The following COL5A1 variants were observed in gnomAD, a reference collection of about 807,000 sequenced individuals.
The protein encoded by COL5A1 is collagen alpha-1(V) chain.
A neutral mutation model predicts 263.7 loss-of-function variants in COL5A1; 16 were observed. The ratio of observed to expected loss-of-function variants is 0.06; its 90% CI spans 0.04 to 0.09. The LOEUF is 0.09. Ranked by LOEUF, COL5A1 falls within the 10% of genes least tolerant of loss-of-function variation. COL5A1 has a pLI of 1.00. For synonymous variants in COL5A1, 1,012 were observed against 1,004.5 expected (o/e 1.01, Z -0.14); for missense variants, 2,036 against 2,540.5 (o/e 0.80, Z 4.27).
At chr9:134,836,004 C>T (rs1356387695) in intron 65 of COL5A1, among the ~76,000 whole-genome samples, 3 of 152,208 alleles carry the variant, frequency 2.0e-5, no homozygotes, top group Non-Finnish European at 4.4e-5. Flanking sequence ...AGGTGGGAAT[C>T]GCTGAGAATT....
At chr9:134,834,803 G>A (rs1447566197) in intron 64 of COL5A1, among the ~76,000 whole-genome samples, 168 bp from the exon 65 acceptor site, 1 of 152,224 alleles carries the variant, frequency 6.6e-6, no homozygotes, top group Admixed American at 6.5e-5. Context: ...GAACACGCAA[G>A]AGAGCCCATG....
intron 58 of COL5A1, 91 bp from the exon 59 acceptor site, chr9:134,822,006 G>A: frequency 1.8e-6 from 2 of 1,124,376 alleles, no homozygotes; most frequent in South Asian, 1.2e-5. Flanking sequence ...AGGGACAGGG[G>A]AGCCGAGGGG....
At chr9:134,676,421 T>C (rs1832685499) in intron 1 of COL5A1, among the ~76,000 whole-genome samples, 1 of 152,226 alleles carries the variant, frequency 6.6e-6, no homozygotes, top group Non-Finnish European at 1.5e-5. Context: ...TGCAGCTTTG[T>C]TGATTTAACC....
chr9:134,737,654 C>T (rs562910312), intron 9 of COL5A1, among the ~76,000 whole-genome samples: 2 of 152,262 alleles, frequency 1.3e-5, no homozygotes, highest in African/African-American at 4.8e-5. Flanking sequence ...AGAGGAATCC[C>T]GCCCTGGGGA....
intron 61 of COL5A1, 84 bp downstream of exon 61, chr9:134,823,553 A>AC: frequency 1.4e-6 from 2 of 1,409,326 alleles, no homozygotes; most frequent in Non-Finnish European, 2.0e-6. Context: ...TGTGTGTGTG[A>AC]CCCCTCCTGA....
At chr9:134,766,394 T>C (rs1836666722) in intron 21 of COL5A1, 60 bp from the exon 22 acceptor site, 1 of 1,548,674 alleles carries the variant, frequency 6.5e-7, no homozygotes, top group East Asian at 2.3e-5. Context: ...ATTTTCCTCT[T>C]GAGCACTGTG....
intron 4 of COL5A1, chr9:134,708,864 C>A (rs1179630937): frequency 2.2e-6 from 1 of 456,604 alleles, no homozygotes; most frequent in Non-Finnish European, 4.4e-6. Flanking sequence ...AAGCTTCCAG[C>A]GGGGGACTCT....
chr9:134,782,379 T>G (rs966195983), intron 28 of COL5A1, among the ~76,000 whole-genome samples: 3 of 152,238 alleles, frequency 2.0e-5, no homozygotes. Context: ...CTCAGGGGCC[T>G]GGGCTTGCTG....
At chr9:134,701,482 C>T in intron 4 of COL5A1, 149 bp downstream of exon 4, 1 of 827,228 alleles carries the variant, frequency 1.2e-6, no homozygotes, top group Non-Finnish European at 2.0e-6. Context: ...GCCTCTGCTG[C>T]CATCCTAAGA....
In COL5A1 at chr9:134,754,280, G is replaced by A. The variant is rs375242683; in HGVS notation, c.1781G>A (p.Arg594Gln). ...EPGDVGPQGP[R>Q]GVQGPPGPAG... is the part of the protein sequence containing the mutation. ...GTCTCTTACCCCTGGCAGGGTCCTC[G>A]AGGTGTGCAAGGCCCGCCTGGTCCG... Residue 594 changes from arginine to glutamine, a missense_variant, in exon 16 of 66, where the codon CGA becomes CAA. Around this residue, in one of 3 missense-constraint regions of COL5A1, gnomAD observed 1,078 missense variants for 1,521.4 expected, o/e 0.71. Transcript: ENST00000371817. The surrounding 1 kb of genome is among the most constrained non-coding windows in gnomAD (Gnocchi z 4.3). 3 of 1,613,822 alleles carry A rather than the reference G, an allele frequency of 1.9e-6. No homozygotes were observed. The highest frequency in any genetic ancestry group is 2.5e-6 in the Non-Finnish European group (3 of 1,180,048).
In COL5A1 at chr9:134,647,378, CGTGTGTGT is replaced by C; in HGVS notation, c.109+5093_109+5100del. ...TTTGTGTGTATGTGTGTCATGTGTG[CGTGTGTGT>C]GTGTGTGTGTCAGGCCGTGTGCACG... On this transcript the variant is annotated intron_variant, in intron 1 of 65. Transcript: ENST00000371817. This position sits in a 1 kb window ranked among gnomAD's most constrained non-coding sequence, Gnocchi z 5.0. Among the ~76,000 whole-genome samples the C allele has an allele frequency of 6.6e-6, 1 of 150,530 alleles. No homozygotes were observed. The highest frequency in any genetic ancestry group is 1.9e-4 in the East Asian group (1 of 5,140).
intron 35 of COL5A1, among the ~76,000 whole-genome samples, 192 bp from the exon 36 acceptor site, chr9:134,796,656 A>G (rs1317300632): frequency 1.3e-5 from 2 of 152,136 alleles, no homozygotes; most frequent in Admixed American, 6.5e-5. Flanking sequence ...ATGACAGGAA[A>G]TGGGTCCTGG....
At chr9:134,701,563 G>A (rs1833677975) in intron 4 of COL5A1, among the ~76,000 whole-genome samples, 1 of 152,230 alleles carries the variant, frequency 6.6e-6, no homozygotes, top group Non-Finnish European at 1.5e-5. Context: ...GGATGGCAGT[G>A]GCCGCCCTTG....
At position 134,705,318 on chromosome 9, in the gene COL5A1, G is replaced by T. The variant is rs566487136; in HGVS notation, c.654+3985G>T. ...GGTGCTGTGCCCGCAGCCTCCCTGG[G>T]TATAGACGCGGAGCCTGAGTGTGTG... On this transcript the variant is annotated intron_variant, in intron 4 of 65. Transcript: ENST00000371817. Among the ~76,000 whole-genome samples, 3 of 152,372 alleles carry T rather than the reference G, an allele frequency of 2.0e-5. No individual in the cohort carries two copies. In the East Asian group the frequency reaches 5.8e-4, roughly 29 times the overall value.
chr9:134,696,535 C>G lies in COL5A1; in HGVS notation c.278-3374C>G, dbSNP rs556171398. Among the ~76,000 whole-genome samples, 4 of 152,250 alleles carry G rather than the reference C, an allele frequency of 2.6e-5. 1 individual carries two copies. In the South Asian group the frequency reaches 8.3e-4, roughly 32 times the overall value. ...ATTTCTGTTTGTATCGTGGGAGTAT[C>G]ACTTTCTGAGGTCAGGGACCATATC... On this transcript the variant is annotated intron_variant, in intron 2 of 65. Coordinates refer to ENST00000371817, the MANE Select transcript of COL5A1 (RefSeq NM_000093.5). This position sits in a 1 kb window ranked among gnomAD's most constrained non-coding sequence, Gnocchi z 4.3.
intron 4 of COL5A1, 85 bp from the exon 5 acceptor site, chr9:134,727,181 G>C: frequency 4.8e-6 from 7 of 1,449,046 alleles, no homozygotes; most frequent in Non-Finnish European, 6.7e-6. Context: ...ACTTTCCCCT[G>C]CTTCAAGGCA....
intron 42 of COL5A1, among the ~76,000 whole-genome samples, chr9:134,807,615 G>A (rs1469271674): frequency 6.6e-6 from 1 of 152,198 alleles, no homozygotes; most frequent in Non-Finnish European, 1.5e-5. Flanking sequence ...TTTCTTGTAC[G>A]TTTCACTCTC....
chr9:134,713,657 G>GA (rs1004627537), intron 4 of COL5A1, among the ~76,000 whole-genome samples: 1 of 152,172 alleles, frequency 6.6e-6, no homozygotes, highest in Non-Finnish European at 1.5e-5. Flanking sequence ...TGTTTTATAT[G>GA]AAAAAAACTT....
chr9:134,835,603 C>T (rs1035686839), intron 65 of COL5A1, among the ~76,000 whole-genome samples: 2 of 152,204 alleles, frequency 1.3e-5, no homozygotes, highest in Non-Finnish European at 2.9e-5. Context: ...GGCCTGTTCC[C>T]GAGAGCACGG....
Sources: gnomAD v4.1 joint callset for allele counts (sites outside exome capture counted in the v4.1 genomes callset) on GRCh38, gnomAD v4.1.1 for gene constraint, gnomAD v4.1.1 regional missense constraint, Gnocchi (gnomAD v3.1) non-coding constraint, MANE v1.5 for transcripts, NCBI Gene and HGNC (gene_info 2026-07-23, HGNC 2026-07-21) for gene names.